Variants in SRGAP1 observed in about 807,000 individuals in gnomAD.
The protein encoded by SRGAP1 is SLIT-ROBO Rho GTPase activating protein 1.
In SRGAP1, 43 loss-of-function variants were observed where a neutral mutation model predicts 121.9. The observed-to-expected ratio is 0.35, with a 90% confidence interval of 0.28 to 0.46. The LOEUF is 0.46. SRGAP1 is among the 20% of genes least tolerant of loss of function. The pLI is 1.00. For synonymous variants in SRGAP1, 447 were observed against 485.4 expected (o/e 0.92, Z 1.04); for missense variants, 1,102 against 1,350.9 (o/e 0.82, Z 2.89).
At position 64,150,604 on chromosome 12, in the gene SRGAP1, C is replaced by T. The variant is rs1592366258; in HGVS notation, c.*7932C>T. The T allele has an allele frequency of 7.2e-6, 1 of 139,356 alleles. No individual in the cohort carries two copies. Among genetic ancestry groups the T allele is most frequent in the East Asian group, 2.2e-4 (1 of 4,584 alleles). 8.6% of individuals were successfully genotyped at this position (139,356 alleles called of 1,614,324 possible). A position where few individuals can be genotyped will look rare whatever the true frequency, so the allele number is the denominator to read the frequency against. On this transcript the variant is annotated 3_prime_UTR_variant, in exon 22 of 22. Transcript: ENST00000355086. Reference sequence around the variant, plus strand: ...AAATTGTACAATGACATGACATTAACTCAAAAATGAAGTTTGAGGTTCTGG... The same window carrying T: ...AAATTGTACAATGACATGACATTAATTCAAAAATGAAGTTTGAGGTTCTGG...
chr12:63,861,030 C>T (rs1899428366), intron 1 of SRGAP1, among the ~76,000 whole-genome samples: 1 of 151,774 alleles, frequency 6.6e-6, no homozygotes, highest in East Asian at 1.9e-4. Flanking sequence ...TCTTTATTTG[C>T]TGAACCTTTT....
intron 21 of SRGAP1, among the ~76,000 whole-genome samples, chr12:64,136,798 A>C (rs1279486747): frequency 6.6e-6 from 1 of 152,206 alleles, no homozygotes; most frequent in African/African-American, 2.4e-5. Flanking sequence ...GCAATATTTT[A>C]CTATAGCTGA....
At chr12:63,879,028 G>A (rs907033923) in intron 1 of SRGAP1, 1 of 151,278 alleles carries the variant, frequency 6.6e-6, no homozygotes, top group African/African-American at 2.4e-5. Flanking sequence ...TTTTTTTTGA[G>A]ACAGGGTCTT....
intron 6 of SRGAP1, 104 bp from the exon 7 acceptor site, chr12:64,062,813 C>A: frequency 1.3e-6 from 1 of 760,704 alleles, no homozygotes. Context: ...TGAAAGCTTA[C>A]CCCCATGTTT....
At chr12:64,120,545 G>A (rs1379162990) in intron 18 of SRGAP1, 6 of 152,116 alleles carry the variant, frequency 3.9e-5, no homozygotes, top group Non-Finnish European at 2.9e-5. Flanking sequence ...TCTATGGAGA[G>A]GTATTGAGAG....
At chr12:64,097,460 C>T (rs2036180407) in intron 15 of SRGAP1, 85 bp downstream of exon 15, 26 of 1,374,332 alleles carry the variant, frequency 1.9e-5, no homozygotes, top group Non-Finnish European at 2.6e-5. Context: ...CCCCTCCATA[C>T]ACCCCCACCC....
intron 15 of SRGAP1, among the ~76,000 whole-genome samples, chr12:64,105,081 A>G (rs184179565): frequency 2.6e-5 from 4 of 152,142 alleles, no homozygotes; most frequent in South Asian, 2.1e-4. Flanking sequence ...CCTCCGCCCC[A>G]GGCCCTGGCT....
intron 1 of SRGAP1, among the ~76,000 whole-genome samples, chr12:63,906,034 T>C (rs939624193): frequency 1.3e-5 from 2 of 152,166 alleles, no homozygotes; most frequent in Non-Finnish European, 2.9e-5. Context: ...CATCTTTATA[T>C]GCAGTTAATC....
intron 18 of SRGAP1, among the ~76,000 whole-genome samples, chr12:64,124,299 T>C (rs891302534): frequency 6.6e-6 from 1 of 152,194 alleles, no homozygotes; most frequent in Non-Finnish European, 1.5e-5. Context: ...ACAATGGCTA[T>C]TGCAGTAAAC....
At chr12:63,980,003 T>C (rs1350452312) in intron 1 of SRGAP1, among the ~76,000 whole-genome samples, 1 of 152,244 alleles carries the variant, frequency 6.6e-6, no homozygotes, top group Non-Finnish European at 1.5e-5. Flanking sequence ...TGCGGCCCCA[T>C]GGCAGGATTC....
chr12:64,029,706 A>C (rs934552271), intron 4 of SRGAP1, among the ~76,000 whole-genome samples: 2 of 152,120 alleles, frequency 1.3e-5, no homozygotes, highest in East Asian at 3.9e-4. Context: ...TGTAAAAATA[A>C]ATGAAGCAGG....
At chr12:64,046,610 C>T (rs1042064710) in intron 6 of SRGAP1, among the ~76,000 whole-genome samples, 4 of 152,016 alleles carry the variant, frequency 2.6e-5, no homozygotes, top group African/African-American at 9.7e-5. Flanking sequence ...AAAATGACTC[C>T]TAGGTTACTG....
chr12:64,050,750 A>C (rs2035221836), intron 6 of SRGAP1, among the ~76,000 whole-genome samples: 2 of 152,030 alleles, frequency 1.3e-5, no homozygotes, highest in Admixed American at 6.6e-5. Flanking sequence ...TTTGAGATGG[A>C]ATCTTGCTCT....
chr12:63,912,023 T>A (rs1383135543), intron 1 of SRGAP1, among the ~76,000 whole-genome samples: 1 of 152,000 alleles, frequency 6.6e-6, no homozygotes, highest in Admixed American at 6.6e-5. Context: ...AATTAGGGAG[T>A]GTACTTGGTC....
intron 8 of SRGAP1, among the ~76,000 whole-genome samples, chr12:64,067,920 CAA>C (rs909886290): frequency 2.3e-5 from 3 of 131,536 alleles, no homozygotes; most frequent in Non-Finnish European, 1.7e-5. Context: ...CCCTGTCTCC[CAA>C]AAAAAAAAAA....
chr12:64,009,044 T>C (rs2034176549), intron 3 of SRGAP1, among the ~76,000 whole-genome samples: 1 of 152,128 alleles, frequency 6.6e-6, no homozygotes. Context: ...AGAAGGCCAG[T>C]TGGCTTTACT....
At chr12:64,012,667 C>T (rs563767909) in intron 3 of SRGAP1, among the ~76,000 whole-genome samples, 1 of 149,648 alleles carries the variant, frequency 6.7e-6, no homozygotes, top group South Asian at 2.1e-4. Flanking sequence ...ATCCTCCCAC[C>T]TCAGCCTCTC....
intron 1 of SRGAP1, among the ~76,000 whole-genome samples, chr12:63,974,477 TAGTG>T (rs1291002803): frequency 6.6e-6 from 1 of 152,162 alleles, no homozygotes; most frequent in African/African-American, 2.4e-5. Context: ...ACATGTGAAA[TAGTG>T]AGGATTAACT....
intron 4 of SRGAP1, among the ~76,000 whole-genome samples, chr12:64,037,126 A>C (rs1007979513): frequency 1.3e-5 from 2 of 152,186 alleles, no homozygotes; most frequent in African/African-American, 4.8e-5. Context: ...GAATGGGTCA[A>C]ATGTCAAAAG....
Sources: allele counts gnomAD v4.1 joint callset (sites outside exome capture counted in the v4.1 genomes callset), GRCh38; gene constraint gnomAD v4.1.1; transcripts MANE v1.5; gene names NCBI Gene and HGNC (gene_info 2026-07-23, HGNC 2026-07-21).